ARMH4: variants seen among roughly 807,000 people sequenced by gnomAD.
ARMH4 encodes the protein armadillo-like helical domain-containing protein 4.
ARMH4 carries 49 observed loss-of-function variants against 61.9 expected under a neutral mutation model. That is an observed-to-expected ratio of 0.79 (90% confidence interval 0.63 to 1.00). The LOEUF (loss-of-function observed/expected upper bound fraction) is 1.00, where lower values mean the gene tolerates loss of function less well. ARMH4 is among the 50% of genes least tolerant of loss of function. ARMH4 has a pLI of 0.00. For missense variants in ARMH4, 934 were observed against 930.0 expected, an observed-to-expected ratio of 1.00 and a Z score of -0.06; for synonymous variants, 368 against 341.5, an observed-to-expected ratio of 1.08 and a Z score of -0.85.
rs531034355 is a variant in ARMH4, at chr14:58,114,453, A to G, written c.1831+17059T>C. Among the ~76,000 whole-genome samples, 57 of 152,300 alleles carry G rather than the reference A, an allele frequency of 3.7e-4. 1 individual carries two copies. In the South Asian group the frequency reaches 0.012, roughly 31 times the overall value. The stretch of plus-strand genomic sequence containing the variant: ...ACAATCCTTGAAGATTTTTCTGACT[A>G]CTTGTAATCCCATCAATTTATTAAG... On this transcript the variant is annotated intron_variant, in intron 4 of 7. Coordinates refer to ENST00000267485, the MANE Select transcript of ARMH4 (RefSeq NM_001001872.4).
At chr14:58,145,146 G>A (rs1022742323) in intron 1 of ARMH4, among the ~76,000 whole-genome samples, 10 of 152,270 alleles carry the variant, frequency 6.6e-5, no homozygotes, top group Admixed American at 1.3e-4. Context: ...ATAAAAATCT[G>A]AAAGCCCCAG....
chr14:58,136,903 T>C (rs1887321171), intron 2 of ARMH4, among the ~76,000 whole-genome samples: 1 of 152,224 alleles, frequency 6.6e-6, no homozygotes, highest in Non-Finnish European at 1.5e-5. Context: ...TCCTTATTTC[T>C]AAATGTTTTC....
intron 5 of ARMH4, among the ~76,000 whole-genome samples, chr14:58,090,106 T>A (rs1240964466): frequency 6.6e-6 from 1 of 152,134 alleles, no homozygotes; most frequent in Non-Finnish European, 1.5e-5. Flanking sequence ...ATATACCACT[T>A]CCTCAATCAA....
intron 4 of ARMH4, among the ~76,000 whole-genome samples, chr14:58,109,504 C>T (rs867686463): frequency 2.0e-5 from 3 of 152,136 alleles, no homozygotes; most frequent in Admixed American, 6.5e-5. Flanking sequence ...TCCATGTCCT[C>T]CTTGTCCAAA....
intron 5 of ARMH4, among the ~76,000 whole-genome samples, chr14:58,063,188 A>T (rs1466116319): frequency 1.3e-5 from 2 of 150,798 alleles, no homozygotes; most frequent in East Asian, 3.9e-4. Flanking sequence ...TGACCTCCTC[A>T]CTCTGTCAAT....
At chr14:58,086,745 T>A (rs1376794486) in intron 5 of ARMH4, among the ~76,000 whole-genome samples, 2 of 151,808 alleles carry the variant, frequency 1.3e-5, no homozygotes, top group African/African-American at 2.4e-5. Flanking sequence ...ATAAGCAAAA[T>A]GAGATAGTGC....
chr14:58,132,578 TC>T, intron 3 of ARMH4, among the ~76,000 whole-genome samples: 1 of 138,106 alleles, frequency 7.2e-6, no homozygotes, highest in South Asian at 2.4e-4. Context: ...TAAACCCTTG[TC>T]CCTTTTTTTT....
chr14:58,111,393 CA>C (rs902346798), intron 4 of ARMH4, among the ~76,000 whole-genome samples: 1 of 151,906 alleles, frequency 6.6e-6, no homozygotes, highest in Admixed American at 6.6e-5. Flanking sequence ...ACACAATGTC[CA>C]AAAAGAAAAA....
intron 6 of ARMH4, among the ~76,000 whole-genome samples, chr14:58,009,371 T>C (rs1182340064): frequency 6.6e-6 from 1 of 152,096 alleles, no homozygotes; most frequent in African/African-American, 2.4e-5. Context: ...AATACGCACA[T>C]AGCTAAGTCA....
At chr14:58,132,971 G>C in intron 3 of ARMH4, 119 bp downstream of exon 3, 2 of 984,676 alleles carry the variant, frequency 2.0e-6, no homozygotes, top group South Asian at 1.5e-5. Flanking sequence ...GTGTGTGTGT[G>C]TACGTGCACG....
chr14:58,011,766 A>G (rs374544776), intron 6 of ARMH4, among the ~76,000 whole-genome samples: 748 of 70,888 alleles, frequency 0.011, 6 homozygotes, highest in African/African-American at 0.024. Flanking sequence ...CTCATATTAG[A>G]AAAAAAAAAA....
At chr14:58,068,246 C>CA (rs1884768355) in intron 5 of ARMH4, among the ~76,000 whole-genome samples, 1 of 152,056 alleles carries the variant, frequency 6.6e-6, no homozygotes, top group South Asian at 2.1e-4. Context: ...AACCCCCCTC[C>CA]AAAAAAGCTT....
intron 5 of ARMH4, among the ~76,000 whole-genome samples, chr14:58,086,022 G>T (rs1163854128): frequency 6.6e-6 from 1 of 152,160 alleles, no homozygotes; most frequent in Non-Finnish European, 1.5e-5. Flanking sequence ...AGAGAATCAG[G>T]TTTATAAATG....
Position 58,133,129 on chromosome 14 carries a change from C to T in ARMH4, c.1582G>A (p.Val528Ile), listed in dbSNP as rs12886921. Residue 528 changes from valine to isoleucine, a missense_variant, in exon 3 of 8, where the codon GTC becomes ATC. Coordinates refer to ENST00000267485, the MANE Select transcript of ARMH4 (RefSeq NM_001001872.4). ...EPLATTISTT[V>I]VPLSFEVTPT... Reference sequence around the variant, plus strand: ...GTAACTTCAAAAGACAAAGGGACGACTGTAGTTGAAATTGTAGTGGCCAGA... The same window carrying T: ...GTAACTTCAAAAGACAAAGGGACGATTGTAGTTGAAATTGTAGTGGCCAGA... 20 of 1,614,042 alleles carry T rather than the reference C, an allele frequency of 1.2e-5. No homozygotes were observed. The highest frequency in any genetic ancestry group is 2.7e-5 in the African/African-American group (2 of 74,908).
chr14:58,050,057 C>G (rs1884084407), intron 5 of ARMH4, among the ~76,000 whole-genome samples: 1 of 152,172 alleles, frequency 6.6e-6, no homozygotes, highest in East Asian at 1.9e-4. Flanking sequence ...ATTGAAAGAA[C>G]TGAATCAAAC....
intron 5 of ARMH4, among the ~76,000 whole-genome samples, chr14:58,015,915 A>T (rs996851609): frequency 6.6e-6 from 1 of 151,178 alleles, no homozygotes; most frequent in Non-Finnish European, 1.5e-5. Context: ...ATTTAAATTT[A>T]ATAAAATTTA....
At chr14:58,016,570 A>C (rs762848559) in intron 5 of ARMH4, among the ~76,000 whole-genome samples, 31 of 152,330 alleles carry the variant, frequency 2.0e-4, no homozygotes, top group Admixed American at 5.2e-4. Context: ...AAGGAAAAAA[A>C]CACATTTTAC....
At chr14:58,101,804 G>C (rs1885989554) in intron 4 of ARMH4, among the ~76,000 whole-genome samples, 1 of 152,186 alleles carries the variant, frequency 6.6e-6, no homozygotes, top group African/African-American at 2.4e-5. Context: ...GAAAACGGGG[G>C]AGAGGGTGTG....
At chr14:58,009,067 A>G (rs921605671) in intron 6 of ARMH4, among the ~76,000 whole-genome samples, 1 of 152,188 alleles carries the variant, frequency 6.6e-6, no homozygotes, top group Non-Finnish European at 1.5e-5. Flanking sequence ...TTAATACAGG[A>G]AGTGTCCTTC....
Sources: gnomAD v4.1 joint callset for allele counts (sites outside exome capture counted in the v4.1 genomes callset) on GRCh38, gnomAD v4.1.1 for gene constraint, MANE v1.5 for transcripts, NCBI Gene and HGNC (gene_info 2026-07-23, HGNC 2026-07-21) for gene names.